The following MSRA variants were observed in gnomAD, a reference collection of about 807,000 sequenced individuals.
The protein encoded by MSRA is mitochondrial peptide methionine sulfoxide reductase.
MSRA carries 54 observed loss-of-function variants against 31.3 expected under a neutral mutation model. The ratio of observed to expected loss-of-function variants is 1.73; its 90% CI spans 1.39 to 2.17. MSRA has a LOEUF of 2.17. Among genes scored for constraint, MSRA ranks in the 30% most tolerant of loss-of-function variants. The probability of loss-of-function intolerance (pLI) is 0.00; values close to 1 mark genes in which losing one functional copy is unlikely to be tolerated. For missense variants in MSRA, 507 were observed against 300.9 expected, an observed-to-expected ratio of 1.69 and a Z score of -5.07; for synonymous variants, 169 against 116.5, an observed-to-expected ratio of 1.45 and a Z score of -2.90.
chr8:10,331,270 G>T lies in MSRA; in HGVS notation c.543+11281G>T, dbSNP rs192430468. 2.0e-5 allele frequency among the ~76,000 whole-genome samples: 3 copies of T among 152,352 alleles called. No homozygotes were observed. In the South Asian group the frequency reaches 6.2e-4, roughly 32 times the overall value. On this transcript the variant is annotated intron_variant, in intron 5 of 5. Transcript: ENST00000317173. ...TGTTTTGTGTGCTGCACTCCATGGA[G>T]CGGGGGCAGAGCACTGGCTTGGAGG...
intron 3 of MSRA, among the ~76,000 whole-genome samples, chr8:10,267,337 G>C (rs1443358928): frequency 6.6e-6 from 1 of 152,220 alleles, no homozygotes; most frequent in African/African-American, 2.4e-5. Flanking sequence ...AGTGGGAGGG[G>C]AGGCTGCAGT....
intron 1 of MSRA, chr8:10,096,148 T>C: frequency 8.0e-7 from 1 of 1,243,890 alleles, no homozygotes; most frequent in Non-Finnish European, 1.0e-6. Flanking sequence ...GAAGTCAGAG[T>C]AAAAGTTGTT....
At chr8:10,089,008 G>T (rs1372858836) in intron 1 of MSRA, among the ~76,000 whole-genome samples, 1 of 152,174 alleles carries the variant, frequency 6.6e-6, no homozygotes, top group African/African-American at 2.4e-5. Flanking sequence ...GAATTGGGGA[G>T]ATGTAGATCA....
At chr8:10,286,590 C>A (rs940336098) in intron 3 of MSRA, among the ~76,000 whole-genome samples, 4 of 152,240 alleles carry the variant, frequency 2.6e-5, no homozygotes, top group African/African-American at 4.8e-5. Context: ...CAGACTAATA[C>A]AAACATCCAG....
At chr8:10,234,859 AAGGAATAGT>A (rs1337503014) in intron 2 of MSRA, among the ~76,000 whole-genome samples, 3 of 152,096 alleles carry the variant, frequency 2.0e-5, no homozygotes, top group African/African-American at 7.2e-5. Flanking sequence ...ACAATAACAA[AAGGAATAGT>A]AGCAAGAGGA....
rs986850715 is a variant in MSRA at position 10,323,410 on chromosome 8, A to C, written c.543+3421A>C. On this transcript the variant is annotated intron_variant, in intron 5 of 5. Coordinates refer to ENST00000317173, the MANE Select transcript of MSRA (RefSeq NM_012331.5). ...TCTGGAAGCATATTAACTGCCCTCC[A>C]GAATACTGAAATATGATGATATCCT... is the stretch of plus-strand genomic sequence containing the variant. Among the ~76,000 whole-genome samples, 14 of 152,332 alleles carry C rather than the reference A, an allele frequency of 9.2e-5. No homozygotes were observed. In the East Asian group the frequency reaches 2.7e-3, roughly 29 times the overall value.
At chr8:10,366,493 C>T (rs1311439208) in intron 5 of MSRA, among the ~76,000 whole-genome samples, 2 of 152,360 alleles carry the variant, frequency 1.3e-5, no homozygotes, top group African/African-American at 4.8e-5. Context: ...ATTCCGGAGT[C>T]AAGGCATGCT....
intron 4 of MSRA, among the ~76,000 whole-genome samples, chr8:10,307,685 C>T (rs11990063): frequency 0.23 from 35,556 of 152,130 alleles, 4,473 homozygotes; most frequent in East Asian, 0.33. Flanking sequence ...CAGTTGGATG[C>T]GTGGAGCTTT....
chr8:10,143,413 A>G (rs1364932007), intron 1 of MSRA, among the ~76,000 whole-genome samples: 2 of 152,160 alleles, frequency 1.3e-5, no homozygotes, highest in South Asian at 2.1e-4. Flanking sequence ...AGTTTGTTGT[A>G]TAATTTCAGC....
intron 3 of MSRA, among the ~76,000 whole-genome samples, chr8:10,283,341 G>A (rs1307011568): frequency 2.0e-5 from 3 of 152,064 alleles, no homozygotes; most frequent in Non-Finnish European, 4.4e-5. Flanking sequence ...ATATTTATTA[G>A]GAGTATTGTG....
intron 3 of MSRA, among the ~76,000 whole-genome samples, chr8:10,259,088 CAG>C (rs1798332372): frequency 6.8e-6 from 1 of 146,212 alleles, no homozygotes; most frequent in Non-Finnish European, 1.5e-5. Flanking sequence ...GCTTGGGTGA[CAG>C]AGACTCTGTC....
intron 3 of MSRA, among the ~76,000 whole-genome samples, chr8:10,265,684 C>T (rs1057450403): frequency 6.6e-6 from 1 of 152,164 alleles, no homozygotes; most frequent in African/African-American, 2.4e-5. Context: ...CTGTAAAGCC[C>T]TCACCACAGT....
intron 1 of MSRA, among the ~76,000 whole-genome samples, chr8:10,170,333 T>C (rs1322239742): frequency 1.3e-5 from 2 of 152,134 alleles, no homozygotes; most frequent in Non-Finnish European, 2.9e-5. Flanking sequence ...GAGTTAGTGC[T>C]CTTATAAGAA....
chr8:10,054,480 C>T lies in MSRA; in HGVS notation c.-37C>T. The T allele has an allele frequency of 6.5e-7, 1 of 1,546,142 alleles. No individual in the cohort carries two copies. The highest frequency in any genetic ancestry group is 8.7e-7 in the Non-Finnish European group (1 of 1,147,016). On this transcript the variant is annotated 5_prime_UTR_variant, in exon 1 of 6. Coordinates refer to ENST00000317173, the MANE Select transcript of MSRA (RefSeq NM_012331.5). ...GGCTGCGGCTCCGCTGCCGGTAGCG[C>T]CGTCCCCCGGGACCACCCTTCGGCT...
intron 1 of MSRA, among the ~76,000 whole-genome samples, chr8:10,100,064 C>G (rs1217233623): frequency 1.3e-5 from 2 of 152,144 alleles, no homozygotes; most frequent in Non-Finnish European, 2.9e-5. Context: ...AGCTTCAGTC[C>G]TGTTGTAGCT....
intron 5 of MSRA, among the ~76,000 whole-genome samples, chr8:10,403,785 C>T (rs950257658): frequency 2.0e-5 from 3 of 152,180 alleles, no homozygotes; most frequent in African/African-American, 4.8e-5. Context: ...GGCAGACGGG[C>T]GGGACGTGAG....
chr8:10,210,524 G>A (rs1358667365), intron 2 of MSRA, among the ~76,000 whole-genome samples: 2 of 152,262 alleles, frequency 1.3e-5, no homozygotes, highest in East Asian at 3.9e-4. Flanking sequence ...CCTTTGCTGG[G>A]AGAATACTGG....
intron 1 of MSRA, among the ~76,000 whole-genome samples, chr8:10,172,704 A>G (rs1206165054): frequency 5.9e-5 from 9 of 152,172 alleles, no homozygotes; most frequent in Non-Finnish European, 1.5e-5. Flanking sequence ...GTCTCCCATG[A>G]TGGGGATAGT....
At chr8:10,203,205 TG>T (rs1160224376) in intron 1 of MSRA, among the ~76,000 whole-genome samples, 1 of 152,150 alleles carries the variant, frequency 6.6e-6, no homozygotes, top group Non-Finnish European at 1.5e-5. Flanking sequence ...GCAGTATTTC[TG>T]GTCTTTCCAT....
Sources: gnomAD v4.1 joint callset for allele counts (sites outside exome capture counted in the v4.1 genomes callset) on GRCh38, gnomAD v4.1.1 for gene constraint, MANE v1.5 for transcripts, NCBI Gene and HGNC (gene_info 2026-07-23, HGNC 2026-07-21) for gene names.